The following MTNR1A variants were observed in gnomAD, a reference collection of about 807,000 sequenced individuals.
MTNR1A encodes the protein melatonin receptor 1A, also known as melatonin receptor type 1A.
Under a neutral mutation model 5.5 loss-of-function variants are expected in MTNR1A, and 7 were observed. That is an observed-to-expected ratio of 1.28 (90% confidence interval 0.73 to 2.40). The LOEUF (loss-of-function observed/expected upper bound fraction) is 2.40, where lower values mean the gene tolerates loss of function less well. Ranked by LOEUF, MTNR1A falls within the 30% of genes most tolerant of loss-of-function variation. MTNR1A has a pLI of 0.00. For synonymous variants in MTNR1A, 196 were observed against 202.7 expected (o/e 0.97, Z 0.28); for missense variants, 441 against 464.4 (o/e 0.95, Z 0.46).
chr4:186,545,614 G>A (rs1737122984), intron 1 of MTNR1A, among the ~76,000 whole-genome samples: 1 of 152,096 alleles, frequency 6.6e-6, no homozygotes, highest in African/African-American at 2.4e-5. Context: ...TTTCCCAGCA[G>A]GTCAATATTC....
At chr4:186,552,016 T>C (rs1737275043) in intron 1 of MTNR1A, among the ~76,000 whole-genome samples, 1 of 152,212 alleles carries the variant, frequency 6.6e-6, no homozygotes, top group African/African-American at 2.4e-5. Flanking sequence ...CCTGTCTTCT[T>C]AAGTAGAACA....
chr4:186,546,251 A>T (rs1460482137), intron 1 of MTNR1A, among the ~76,000 whole-genome samples: 1 of 152,050 alleles, frequency 6.6e-6, no homozygotes, highest in Non-Finnish European at 1.5e-5. Context: ...CCTGGCACAC[A>T]GTCCTGGCTA....
At chr4:186,547,605 T>C (rs1737181804) in intron 1 of MTNR1A, among the ~76,000 whole-genome samples, 1 of 152,210 alleles carries the variant, frequency 6.6e-6, no homozygotes, top group Non-Finnish European at 1.5e-5. Context: ...TCCTGGCTCA[T>C]TCCTCTCTCT....
chr4:186,550,602 TAAATATTA>T (rs1737249145), intron 1 of MTNR1A, among the ~76,000 whole-genome samples: 1 of 152,138 alleles, frequency 6.6e-6, no homozygotes, highest in Non-Finnish European at 1.5e-5. Context: ...CAAATGGCAG[TAAATATTA>T]ATAGAAGGAG....
At chr4:186,543,647 G>C (rs1442627054) in intron 1 of MTNR1A, among the ~76,000 whole-genome samples, 1 of 152,170 alleles carries the variant, frequency 6.6e-6, no homozygotes, top group African/African-American at 2.4e-5. Flanking sequence ...GTAAGTTATA[G>C]GATATCAAAT....
Position 186,544,367 on chromosome 4 carries a change from T to G in MTNR1A, c.185-9810A>C, listed in dbSNP as rs1737093569. 3.3e-5 allele frequency among the ~76,000 whole-genome samples: 5 copies of G among 152,252 alleles called. No individual in the cohort carries two copies. In the South Asian group the frequency reaches 1.0e-3, roughly 31 times the overall value. ...TTTTTTATGCTAGATATGCCGTTATTAACTAGTAAAAGCCTTAACTAAGTA... is the reference window on the plus strand; with the variant it reads ...TTTTTTATGCTAGATATGCCGTTATGAACTAGTAAAAGCCTTAACTAAGTA... On this transcript the variant is annotated intron_variant, in intron 1 of 1. Transcript: ENST00000307161.
At position 186,534,570 on chromosome 4, in the gene MTNR1A, C is replaced by T. The variant is rs997528662; in HGVS notation, c.185-13G>A. The T allele has an allele frequency of 8.1e-6, 13 of 1,607,950 alleles. No homozygotes were observed. The East Asian group carries it at 1.1e-4, about 14-fold the overall frequency. On this transcript the variant is annotated splice_polypyrimidine_tract_variant and intron_variant, in intron 1 of 1. Transcript: ENST00000307161. ...ACAAAGATGTTTCCTGAAAGAGAAT[C>T]GTTTAGAAAATACAGTGAATACCAG...
chr4:186,552,134 A>ATC (rs1253169952), intron 1 of MTNR1A, among the ~76,000 whole-genome samples: 10 of 152,224 alleles, frequency 6.6e-5, no homozygotes, highest in African/African-American at 9.6e-5. Flanking sequence ...GGCTGTTCAC[A>ATC]TCTTCACAAT....
chr4:186,546,403 A>G (rs1233266625), intron 1 of MTNR1A, among the ~76,000 whole-genome samples: 1 of 151,540 alleles, frequency 6.6e-6, no homozygotes, highest in Non-Finnish European at 1.5e-5. Context: ...CACACATGAC[A>G]GTGCATCACC....
At chr4:186,547,737 C>T (rs62350396) in intron 1 of MTNR1A, among the ~76,000 whole-genome samples, 60 of 152,184 alleles carry the variant, frequency 3.9e-4, no homozygotes, top group Non-Finnish European at 8.1e-4. Context: ...GTACACTGTA[C>T]ACTTTACATT....
Position 186,534,024 on chromosome 4 carries a change from T to C in MTNR1A, c.718A>G (p.Met240Val), listed in dbSNP as rs1018062210. The change falls in exon 2 of 2, where the codon ATG (methionine) becomes GTG (valine). Residue 240 changes from methionine to valine, a missense_variant. Coordinates refer to ENST00000307161, the MANE Select transcript of MTNR1A (RefSeq NM_005958.4). The stretch of plus-strand genomic sequence containing the variant: ...GCAAAAAGGACAAAAACCACAAACA[T>C]GGTGACAAAATTCCTGAAGTCCTGT... ...KPQDFRNFVT[M>V]FVVFVLFAIC... 2 of 1,613,988 alleles carry C rather than the reference T, an allele frequency of 1.2e-6. No individual in the cohort carries two copies. The highest frequency in any genetic ancestry group is 1.3e-5 in the African/African-American group (1 of 75,004).
intron 1 of MTNR1A, among the ~76,000 whole-genome samples, chr4:186,550,918 T>G (rs1382895245): frequency 6.6e-6 from 1 of 152,062 alleles, no homozygotes; most frequent in Non-Finnish European, 1.5e-5. Context: ...CAAACCAAGA[T>G]AGAAAGTCAT....
At position 186,555,134 on chromosome 4, in the gene MTNR1A, G is replaced by C; in HGVS notation, c.184+48C>G. 6.5e-7 allele frequency: 1 copy of C among 1,549,788 alleles called. No homozygotes were observed. The highest frequency in any genetic ancestry group is 8.8e-7 in the Non-Finnish European group (1 of 1,141,756). On this transcript the variant is annotated intron_variant, in intron 1 of 1. Coordinates refer to ENST00000307161, the MANE Select transcript of MTNR1A (RefSeq NM_005958.4). This position sits in a 1 kb window ranked among gnomAD's most constrained non-coding sequence, Gnocchi z 4.1. The stretch of plus-strand genomic sequence containing the variant: ...GGGGAAGGCTGGCTGCCCGCGGAGA[G>C]GCGCTGCGTCCGGAGCGCTGGCCCA...
chr4:186,550,232 A>G (rs1282338072), intron 1 of MTNR1A, among the ~76,000 whole-genome samples: 1 of 152,230 alleles, frequency 6.6e-6, no homozygotes, highest in East Asian at 1.9e-4. Flanking sequence ...ATCTTCATGA[A>G]GAGGCAGAGA....
rs1464737512 is a variant in MTNR1A, at chr4:186,555,556, G to T, written c.-191C>A. On this transcript the variant is annotated 5_prime_UTR_variant, in exon 1 of 2. Coordinates refer to ENST00000307161, the MANE Select transcript of MTNR1A (RefSeq NM_005958.4). The surrounding 1 kb of genome is among the most constrained non-coding windows in gnomAD (Gnocchi z 4.1). ...GACACCTGGTGTCCGCCGCGAGCCC[G>T]CTTGGATTCCCCGCCCGCAGCTCGA... The T allele has an allele frequency of 1.2e-5, 4 of 328,260 alleles. No homozygotes were observed. Among genetic ancestry groups the T allele is most frequent in the African/African-American group, 4.4e-5 (2 of 45,566 alleles). 20.3% of individuals were successfully genotyped at this position (328,260 alleles called of 1,614,324 possible).
At chr4:186,544,645 G>A (rs1473286979) in intron 1 of MTNR1A, among the ~76,000 whole-genome samples, 1 of 152,154 alleles carries the variant, frequency 6.6e-6, no homozygotes, top group African/African-American at 2.4e-5. Context: ...TGTTTCTACA[G>A]CTCTAGCCAT....
At chr4:186,538,295 C>T (rs755700291) in intron 1 of MTNR1A, among the ~76,000 whole-genome samples, 7 of 152,190 alleles carry the variant, frequency 4.6e-5, no homozygotes, top group Non-Finnish European at 8.8e-5. Context: ...GTCAACTTCG[C>T]GAAGCTGAAA....
At chr4:186,553,015 C>T (rs1203639960) in intron 1 of MTNR1A, among the ~76,000 whole-genome samples, 1 of 152,140 alleles carries the variant, frequency 6.6e-6, no homozygotes, top group Non-Finnish European at 1.5e-5. Context: ...CAACACAGTC[C>T]CTTGAGGAGA....
At chr4:186,552,755 G>A (rs549763740) in intron 1 of MTNR1A, among the ~76,000 whole-genome samples, 7 of 152,312 alleles carry the variant, frequency 4.6e-5, no homozygotes, top group African/African-American at 1.7e-4. Flanking sequence ...GAAATCAGAA[G>A]GAGCACAGCA....
Sources: allele counts gnomAD v4.1 joint callset (sites outside exome capture counted in the v4.1 genomes callset), GRCh38; gene constraint gnomAD v4.1.1; non-coding constraint Gnocchi (gnomAD v3.1); transcripts MANE v1.5; gene names NCBI Gene and HGNC (gene_info 2026-07-23, HGNC 2026-07-21).